NHSL2: variants seen among roughly 807,000 people sequenced by gnomAD.
NHSL2 encodes NHS like 2.
A neutral mutation model predicts 53.4 loss-of-function variants in NHSL2; 27 were observed. That is an observed-to-expected ratio of 0.51 (90% confidence interval 0.37 to 0.70). The LOEUF is 0.70. Among genes scored for constraint, NHSL2 ranks in the 30% least tolerant of loss-of-function variants. NHSL2 has a pLI of 0.00. For missense variants in NHSL2, 892 were observed against 980.1 expected, an observed-to-expected ratio of 0.91 and a Z score of 1.20; for synonymous variants, 408 against 404.1, an observed-to-expected ratio of 1.01 and a Z score of -0.12.
At chrX:71,975,048 C>T (rs2041942377) in intron 1 of NHSL2, among the ~76,000 whole-genome samples, 1 of 112,164 alleles carries the variant, frequency 8.9e-6, no homozygotes, top group African/African-American at 3.2e-5. Context: ...TGTTTGTGGA[C>T]ATCCACTGCT....
chrX:71,958,772 G>T (rs1489049175), intron 1 of NHSL2, among the ~76,000 whole-genome samples: 1 of 112,239 alleles, frequency 8.9e-6, no homozygotes, highest in East Asian at 2.8e-4. Context: ...ACAAGATATT[G>T]GATTCATTTC....
intron 1 of NHSL2, among the ~76,000 whole-genome samples, chrX:72,086,917 T>G (rs975488037): frequency 3.6e-5 from 4 of 111,703 alleles, no homozygotes; most frequent in Non-Finnish European, 5.6e-5. Context: ...GTTCCACTTC[T>G]AGGTATATAC....
intron 1 of NHSL2, among the ~76,000 whole-genome samples, chrX:71,947,375 G>A (rs1363896333): frequency 8.9e-6 from 1 of 112,157 alleles, no homozygotes. Flanking sequence ...TCCCGGAACC[G>A]GATTGAAAGG....
chrX:71,975,411 C>G (rs1168989620), intron 1 of NHSL2, among the ~76,000 whole-genome samples: 2 of 111,527 alleles, frequency 1.8e-5, no homozygotes, highest in Non-Finnish European at 3.8e-5. Flanking sequence ...ATTTTAGACA[C>G]TGCTTCTCCA....
rs150519825 is a variant in NHSL2, at chrX:72,031,972, C to T, written c.281-100107C>T. Among the ~76,000 whole-genome samples the T allele has an allele frequency of 5.9e-3, 661 of 111,444 alleles. 6 individuals are homozygous for T. Among genetic ancestry groups the T allele is most frequent in the African/African-American group, 0.02 (623 of 30,423 alleles). On this transcript the variant is annotated intron_variant, in intron 1 of 7. Transcript: ENST00000633930. ...GAGCGTATTCAGGTTTCACGTTTTA[C>T]ATGTCATGTACTCTGTATATGAGTG...
intron 1 of NHSL2, among the ~76,000 whole-genome samples, chrX:71,972,866 T>TTGTGTGTGTGTGTG (rs372160139): frequency 8.5e-5 from 8 of 93,800 alleles, no homozygotes; most frequent in East Asian, 3.4e-4. Flanking sequence ...ATCTTTATTG[T>TTGTGTGTGTGTGTG]TGTGTGTGTG....
intron 1 of NHSL2, chrX:72,131,856 G>A (rs1216112114): frequency 3.7e-6 from 1 of 268,441 alleles, no homozygotes; most frequent in Non-Finnish European, 6.3e-6. Context: ...GCGACCGGGC[G>A]GGCGGGCGGG....
rs1197423581 is a variant in NHSL2 at position 72,145,681 on chromosome X, C to T, written c.*2107C>T. On this transcript the variant is annotated 3_prime_UTR_variant, in exon 8 of 8. Coordinates refer to ENST00000633930, the MANE Select transcript of NHSL2 (RefSeq NM_001013627.3). ...TTGCTTAGCAAAAATGAAAGGACAC[C>T]AGGGTCTCCTTGGGAACCATTATGA... 1.8e-5 allele frequency: 2 copies of T among 112,410 alleles called. No homozygotes were observed. The highest frequency in any genetic ancestry group is 3.8e-5 in the Non-Finnish European group (2 of 53,277). 9.3% of individuals were successfully genotyped at this position (112,410 alleles called of 1,213,427 possible). A position where few individuals can be genotyped will look rare whatever the true frequency, so the allele number is the denominator to read the frequency against.
rs1384544729 is a variant in NHSL2 at position 72,138,572 on chromosome X, T to C, written c.1024T>C (p.Ser342Pro). 8.6e-7 allele frequency: 1 copy of C among 1,167,419 alleles called. No homozygotes were observed. The highest frequency in any genetic ancestry group is 2.6e-5 in the Admixed American group (1 of 38,743). The change falls in exon 6 of 8, where the codon TCG becomes CCG. Residue 342 changes from serine to proline, a missense_variant. Ser to Pro is a moderately conservative substitution (Grantham distance 74). Coordinates refer to ENST00000633930, the MANE Select transcript of NHSL2 (RefSeq NM_001013627.3). ...GQDARFPSLTSPVLRTPSSEP... is the reference protein window; with the variant it reads ...GQDARFPSLTPPVLRTPSSEP... The stretch of plus-strand genomic sequence containing the variant: ...GGATGCTCGGTTCCCAAGTCTCACC[T>C]CGCCAGTACTGAGAACTCCTTCCAG...
At chrX:72,142,989 T>C (rs1468019788) in intron 7 of NHSL2, among the ~76,000 whole-genome samples, 2 of 111,527 alleles carry the variant, frequency 1.8e-5, no homozygotes, top group Non-Finnish European at 3.8e-5. Context: ...ACTCCTGAAA[T>C]TCGTCCTTGG....
chrX:72,053,390 T>C (rs1380290291), intron 1 of NHSL2, among the ~76,000 whole-genome samples: 3 of 111,894 alleles, frequency 2.7e-5, no homozygotes, highest in Non-Finnish European at 3.8e-5. Flanking sequence ...CTGGCACAGT[T>C]TCCTAGAACT....
At chrX:72,084,410 G>A (rs2041817857) in intron 1 of NHSL2, among the ~76,000 whole-genome samples, 1 of 112,178 alleles carries the variant, frequency 8.9e-6, no homozygotes, top group Admixed American at 9.4e-5. Context: ...TAGAGTCTAA[G>A]GGAAAGATGC....
chrX:72,005,438 G>A (rs2147888185), intron 1 of NHSL2, among the ~76,000 whole-genome samples: 1 of 112,245 alleles, frequency 8.9e-6, no homozygotes, highest in South Asian at 3.7e-4. Context: ...ATTCTTTGCA[G>A]GGTGGGATTC....
chrX:72,019,894 A>G (rs2147899165), intron 1 of NHSL2, among the ~76,000 whole-genome samples: 1 of 112,030 alleles, frequency 8.9e-6, no homozygotes, highest in South Asian at 3.7e-4. Flanking sequence ...TGGGCAGTCC[A>G]AGAGACTCAG....
chrX:71,999,740 ACT>A (rs1170540487), intron 1 of NHSL2, among the ~76,000 whole-genome samples: 1 of 111,926 alleles, frequency 8.9e-6, no homozygotes, highest in Non-Finnish European at 1.9e-5. Context: ...GTACACAGAA[ACT>A]CTCTGTACTG....
chrX:72,012,060 T>C (rs2042118331), intron 1 of NHSL2, among the ~76,000 whole-genome samples: 1 of 111,963 alleles, frequency 8.9e-6, no homozygotes, highest in Non-Finnish European at 1.9e-5. Flanking sequence ...TTTCTCTTGG[T>C]CTGAAGCTTT....
intron 1 of NHSL2, among the ~76,000 whole-genome samples, chrX:72,060,110 A>G: frequency 8.9e-6 from 1 of 112,319 alleles, no homozygotes; most frequent in Non-Finnish European, 1.9e-5. Context: ...CATGTGGTGA[A>G]GCACAAAGAC....
chrX:72,130,325 C>G, intron 1 of NHSL2: 1 of 1,179,992 alleles, frequency 8.5e-7, no homozygotes. Flanking sequence ...TCCTCCTCCT[C>G]CTCTTTCTGT....
chrX:72,010,008 G>A (rs1195699666), intron 1 of NHSL2, among the ~76,000 whole-genome samples: 1 of 113,051 alleles, frequency 8.8e-6, no homozygotes, highest in East Asian at 2.7e-4. Flanking sequence ...TCAGGTCAGC[G>A]GGTGGCAAGG....
Sources: allele counts gnomAD v4.1 joint callset (sites outside exome capture counted in the v4.1 genomes callset), GRCh38; gene constraint gnomAD v4.1.1; transcripts MANE v1.5; gene names NCBI Gene and HGNC (gene_info 2026-07-23, HGNC 2026-07-21).